CD302: variants seen among roughly 807,000 people sequenced by gnomAD.
CD302 encodes CD302 antigen.
Under a neutral mutation model 26.5 loss-of-function variants are expected in CD302, and 23 were observed. The observed-to-expected ratio is 0.87, with a 90% CI of 0.62 to 1.23. CD302 has a LOEUF of 1.23. Among genes scored for constraint, CD302 ranks in the 50% most tolerant of loss-of-function variants. The probability of loss-of-function intolerance (pLI) is 0.00; values close to 1 mark genes in which losing one functional copy is unlikely to be tolerated. For synonymous variants in CD302, 90 were observed against 99.4 expected, an observed-to-expected ratio of 0.91 and a Z score of 0.56; for missense variants, 290 against 275.5, an observed-to-expected ratio of 1.05 and a Z score of -0.37.
At chr2:159,784,971 AC>A (rs1708627565) in intron 1 of CD302, among the ~76,000 whole-genome samples, 1 of 101,520 alleles carries the variant, frequency 9.9e-6, no homozygotes, top group Admixed American at 1.2e-4. Flanking sequence ...ATCCGTACAG[AC>A]TTTTTTTTTT....
intron 1 of CD302, among the ~76,000 whole-genome samples, chr2:159,784,282 A>G (rs566954551): frequency 6.6e-5 from 10 of 150,888 alleles, no homozygotes; most frequent in African/African-American, 1.9e-4. Flanking sequence ...AGGTTTGTAT[A>G]TAGGTAAAAA....
intron 3 of CD302, among the ~76,000 whole-genome samples, chr2:159,780,612 A>G (rs1468394459): frequency 6.6e-6 from 1 of 152,196 alleles, no homozygotes; most frequent in East Asian, 1.9e-4. Context: ...AGACACTAAT[A>G]CTTACCTTTA....
intron 1 of CD302, 99 bp from the exon 2 acceptor site, chr2:159,783,568 CACAA>C: frequency 1.2e-6 from 1 of 804,812 alleles, no homozygotes; most frequent in Non-Finnish European, 1.8e-6. Flanking sequence ...TTCACACACA[CACAA>C]AGGCAATTTC....
intron 1 of CD302, among the ~76,000 whole-genome samples, chr2:159,794,306 A>AAT (rs1553795837): frequency 4.4e-3 from 39 of 8,944 alleles, no homozygotes; most frequent in East Asian, 0.013. Context: ...ATAAAATAAT[A>AAT]AAAAAAAAAA....
Position 159,794,269 on chromosome 2 carries a change from CAATAAAATAAAATAA to C in CD302, c.67+3848_67+3862del, listed in dbSNP as rs746352509. Among the ~76,000 whole-genome samples the C allele has an allele frequency of 4.6e-5, 5 of 108,422 alleles. No homozygotes were observed. The East Asian group carries it at 1.0e-3, about 23-fold the overall frequency. The allele number at this position is 108,422 out of a possible 152,430, so 71.1% of individuals were successfully genotyped here. ...GACAGAGTGAGGCCCTGTCTCAAAA[CAATAAAATAAAATAA>C]AATAAAATAAAATAAAATAATAAAA... On this transcript the variant is annotated intron_variant, in intron 1 of 5. Coordinates refer to ENST00000259053, the MANE Select transcript of CD302 (RefSeq NM_014880.5).
rs763746951 is a variant in CD302, at chr2:159,770,815, C to T, written c.*1036G>A. ...CAAGCTGATTTTCACACAAGATTCC[C>T]TAACTATGCATTTCTTAGAACGTAT... On this transcript the variant is annotated 3_prime_UTR_variant, in exon 6 of 6. Transcript: ENST00000259053. 1.3e-5 allele frequency: 2 copies of T among 152,124 alleles called. No individual in the cohort carries two copies. The highest frequency in any genetic ancestry group is 2.9e-5 in the Non-Finnish European group (2 of 68,000). 9.4% of individuals were successfully genotyped at this position (152,124 alleles called of 1,614,324 possible). A position where few individuals can be genotyped will look rare whatever the true frequency, so the allele number is the denominator to read the frequency against.
Position 159,777,942 on chromosome 2 carries a change from TA to T in CD302, c.491del (p.Leu164TyrfsTer7). 1 of 1,018,096 alleles carries T rather than the reference TA, an allele frequency of 9.8e-7. No individual in the cohort carries two copies. The highest frequency in any genetic ancestry group is 1.4e-6 in the Non-Finnish European group (1 of 712,944). The allele number at this position is 1,018,096 out of a possible 1,614,324, so 63.1% of individuals were successfully genotyped here. A position where few individuals can be genotyped will look rare whatever the true frequency, so the allele number is the denominator to read the frequency against. On this transcript the variant is annotated frameshift_variant, in exon 5 of 6. Coordinates refer to ENST00000259053, the MANE Select transcript of CD302 (RefSeq NM_014880.5). LOFTEE classifies it high-confidence loss of function. Reference sequence around the variant, plus strand: ...AAAGACCAAATCATTACTTACCTGATAAATATTTCCTTTTGTATGGGACTAA... The same window carrying T: ...AAAGACCAAATCATTACTTACCTGATAATATTTCCTTTTGTATGGGACTAA... ...KTAIPYKRKY[L>X]SDNHILISAL...
intron 5 of CD302, among the ~76,000 whole-genome samples, chr2:159,773,447 TA>T (rs991546280): frequency 6.6e-5 from 10 of 152,212 alleles, no homozygotes; most frequent in African/African-American, 1.9e-4. Context: ...GCATCTACTT[TA>T]AATAGGAATT....
Position 159,771,597 on chromosome 2 carries a change from CTTCA to C in CD302, c.*250_*253del, listed in dbSNP as rs1423744654. On this transcript the variant is annotated 3_prime_UTR_variant, in exon 6 of 6. Coordinates refer to ENST00000259053, the MANE Select transcript of CD302 (RefSeq NM_014880.5). ...TTATCTGCTTGGGCTTTAAGCTTTC[CTTCA>C]TTCAAGTGACAGATTCTGCCTTTGA... The C allele has an allele frequency of 2.5e-5, 9 of 366,408 alleles. 1 individual carries two copies. The highest frequency in any genetic ancestry group is 1.8e-4 in the Admixed American group (4 of 22,512). 22.7% of individuals were successfully genotyped at this position (366,408 alleles called of 1,614,324 possible). A position where few individuals can be genotyped will look rare whatever the true frequency, so the allele number is the denominator to read the frequency against.
chr2:159,777,830 C>A (rs1708383668), intron 5 of CD302, 108 bp downstream of exon 5: 2 of 544,566 alleles, frequency 3.7e-6, no homozygotes, highest in Non-Finnish European at 6.1e-6. Flanking sequence ...AATTGTTCTA[C>A]TTTATATTAC....
intron 1 of CD302, among the ~76,000 whole-genome samples, chr2:159,794,579 C>T (rs1033691725): frequency 6.6e-6 from 1 of 151,690 alleles, no homozygotes; most frequent in African/African-American, 2.4e-5. Context: ...GACTGAGTCT[C>T]GCTCTGTCGC....
chr2:159,781,555 A>AT (rs1708509217), intron 2 of CD302: 1 of 112,188 alleles, frequency 8.9e-6, no homozygotes, highest in South Asian at 2.8e-4. Context: ...CTGAGACTCC[A>AT]TTAAAAAAAA....
At position 159,779,986 on chromosome 2, in the gene CD302, C is replaced by T. The variant is rs754207874; in HGVS notation, c.469+19G>A. On this transcript the variant is annotated intron_variant, in intron 4 of 5. Coordinates refer to ENST00000259053, the MANE Select transcript of CD302 (RefSeq NM_014880.5). ...CTCTGCCCCTTCTAGAATGGAAAAACACCTTCGGTCATACTTACTAGCTGT... is the reference window on the plus strand; with the variant it reads ...CTCTGCCCCTTCTAGAATGGAAAAATACCTTCGGTCATACTTACTAGCTGT... 41 of 1,599,640 alleles carry T rather than the reference C, an allele frequency of 2.6e-5. No homozygotes were observed. The East Asian group carries it at 4.0e-4, about 16-fold the overall frequency.
In CD302 at chr2:159,798,205, G is replaced by A. The variant is rs1190246234; in HGVS notation, c.-7C>T. ...GCAGCGCGGCCCGGAGCATGACGGC[G>A]GGTGCGGGTGGGCGGCAGCGGCTGC... On this transcript the variant is annotated 5_prime_UTR_variant, in exon 1 of 6. Coordinates refer to ENST00000259053, the MANE Select transcript of CD302 (RefSeq NM_014880.5). 11 of 1,420,684 alleles carry A rather than the reference G, an allele frequency of 7.7e-6. No homozygotes were observed. The highest frequency in any genetic ancestry group is 3.0e-5 in the African/African-American group (2 of 66,650). The allele number at this position is 1,420,684 out of a possible 1,614,324, so 88.0% of individuals were successfully genotyped here.
chr2:159,778,148 G>GTT (rs1158282413), intron 4 of CD302, among the ~76,000 whole-genome samples, 184 bp from the exon 5 acceptor site: 2 of 152,214 alleles, frequency 1.3e-5, no homozygotes, highest in East Asian at 3.9e-4. Context: ...TTTGAACTTA[G>GTT]TTTTTAAAGA....
chr2:159,778,051 A>ATATC, intron 4 of CD302, 87 bp from the exon 5 acceptor site: 1 of 521,130 alleles, frequency 1.9e-6, no homozygotes, highest in Non-Finnish European at 2.9e-6. Flanking sequence ...CATTAAAAAT[A>ATATC]AACCCTTTTA....
intron 1 of CD302, among the ~76,000 whole-genome samples, chr2:159,785,268 C>T (rs1308258969): frequency 6.6e-6 from 1 of 152,102 alleles, no homozygotes; most frequent in African/African-American, 2.4e-5. Flanking sequence ...AGCCACTGTG[C>T]CCCACCTATA....
intron 5 of CD302, among the ~76,000 whole-genome samples, 187 bp from the exon 6 acceptor site, chr2:159,772,240 G>A (rs1708173174): frequency 6.6e-6 from 1 of 152,154 alleles, no homozygotes; most frequent in East Asian, 1.9e-4. Context: ...CTGAAGAATA[G>A]TACTCAAATT....
rs1281010898 is a variant in CD302 at position 159,770,268 on chromosome 2, A to AATC, written c.*1580_*1582dup. On this transcript the variant is annotated 3_prime_UTR_variant, in exon 6 of 6. Coordinates refer to ENST00000259053, the MANE Select transcript of CD302 (RefSeq NM_014880.5). ...AATAGACATCTCAATCACTATACAA[A>AATC]ATCTCAGAAATGTAAAGCTCTTACA... 1 of 152,194 alleles carries AATC rather than the reference A, an allele frequency of 6.6e-6. No individual in the cohort carries two copies. The highest frequency in any genetic ancestry group is 1.5e-5 in the Non-Finnish European group (1 of 68,040). 9.4% of individuals were successfully genotyped at this position (152,194 alleles called of 1,614,324 possible).
Sources: allele counts gnomAD v4.1 joint callset (sites outside exome capture counted in the v4.1 genomes callset), GRCh38; gene constraint gnomAD v4.1.1; transcripts MANE v1.5; gene names NCBI Gene and HGNC (gene_info 2026-07-23, HGNC 2026-07-21).